LRRC4C: variants seen among roughly 807,000 people sequenced by gnomAD.
LRRC4C encodes the protein leucine rich repeat containing 4C, also known as leucine-rich repeat-containing protein 4C.
LRRC4C carries 5 observed loss-of-function variants against 33.6 expected under a neutral mutation model. The observed-to-expected ratio is 0.15, with a 90% CI of 0.08 to 0.31. The LOEUF (loss-of-function observed/expected upper bound fraction) is 0.31, where lower values mean the gene tolerates loss of function less well. Among genes scored for constraint, LRRC4C ranks in the 10% least tolerant of loss-of-function variants. The pLI, the probability that LRRC4C is intolerant of heterozygous loss-of-function variation, is 1.00. For synonymous variants in LRRC4C, 329 were observed against 302.0 expected (o/e 1.09, Z -0.93); for missense variants, 560 against 796.7 (o/e 0.70, Z 3.58).
intron 1 of LRRC4C, among the ~76,000 whole-genome samples, chr11:41,073,288 G>A (rs1260544861): frequency 6.6e-6 from 1 of 152,072 alleles, no homozygotes; most frequent in Non-Finnish European, 1.5e-5. Context: ...TGCGTGCAGA[G>A]ATCACATAAT....
At chr11:40,688,322 C>CAATTAAATTAGAAAAAAATTTGA (rs1945060151) in intron 2 of LRRC4C, among the ~76,000 whole-genome samples, 1 of 152,060 alleles carries the variant, frequency 6.6e-6, no homozygotes, top group Non-Finnish European at 1.5e-5. Context: ...GTTAGCTTTA[C>CAATTAAATTAGAAAAAAATTTGA]CTGTGAATTT....
At chr11:40,794,373 CAAA>C (rs57476895) in intron 2 of LRRC4C, among the ~76,000 whole-genome samples, 2,862 of 76,540 alleles carry the variant, frequency 0.037, 21 homozygotes, top group African/African-American at 0.072. Context: ...TAAACGCCAG[CAAA>C]AAAAAAAAAA....
rs187411158 is a variant in LRRC4C at position 40,375,981 on chromosome 11, A to C, written c.-269-56260T>G. Among the ~76,000 whole-genome samples, 1,118 of 152,268 alleles carry C rather than the reference A, an allele frequency of 7.3e-3. 7 individuals carry two copies. The highest frequency in any genetic ancestry group is 0.011 in the Non-Finnish European group (742 of 68,012). On this transcript the variant is annotated intron_variant, in intron 3 of 6. Transcript: ENST00000528697. ...ATGTCATTTGAACTTCAATCATATAATTTATTTGATGTTTTTAGAATGGTC... is the reference window on the plus strand; with the variant it reads ...ATGTCATTTGAACTTCAATCATATACTTTATTTGATGTTTTTAGAATGGTC...
intron 3 of LRRC4C, among the ~76,000 whole-genome samples, chr11:40,623,946 TA>T (rs1962697265): frequency 6.6e-6 from 1 of 152,108 alleles, no homozygotes; most frequent in African/African-American, 2.4e-5. Context: ...TTTCATGAAA[TA>T]AAAAATTCAT....
chr11:40,608,063 T>C (rs943484902), intron 3 of LRRC4C, among the ~76,000 whole-genome samples: 1 of 152,184 alleles, frequency 6.6e-6, no homozygotes, highest in African/African-American at 2.4e-5. Flanking sequence ...TATGAAACTA[T>C]ATAGCTTTCT....
chr11:41,154,313 T>C (rs571632617), intron 1 of LRRC4C, among the ~76,000 whole-genome samples: 26 of 152,282 alleles, frequency 1.7e-4, no homozygotes, highest in African/African-American at 6.3e-4. Context: ...TGTCTTTCTT[T>C]ACCTGGTCCT....
At chr11:40,727,372 A>G (rs184396024) in intron 2 of LRRC4C, among the ~76,000 whole-genome samples, 82 of 152,278 alleles carry the variant, frequency 5.4e-4, no homozygotes, top group African/African-American at 1.9e-3. Context: ...TATGCAGAAG[A>G]ATGAAAAAGA....
At chr11:41,355,891 G>T (rs1016137514) in intron 1 of LRRC4C, among the ~76,000 whole-genome samples, 1 of 151,920 alleles carries the variant, frequency 6.6e-6, no homozygotes, top group Non-Finnish European at 1.5e-5. Flanking sequence ...TAATTAATAT[G>T]TCAAACCAAA....
At chr11:41,242,282 A>C (rs551001336) in intron 1 of LRRC4C, among the ~76,000 whole-genome samples, 141 of 152,218 alleles carry the variant, frequency 9.3e-4, no homozygotes, top group Non-Finnish European at 1.8e-3. Context: ...CCACGTTTTC[A>C]AAGCACTTTT....
At chr11:40,846,488 A>G (rs533764970) in intron 2 of LRRC4C, among the ~76,000 whole-genome samples, 1 of 152,236 alleles carries the variant, frequency 6.6e-6, no homozygotes, top group African/African-American at 2.4e-5. Flanking sequence ...AGATGGTTGT[A>G]AATGTGTGGT....
At chr11:40,221,321 C>G (rs763207563) in intron 5 of LRRC4C, among the ~76,000 whole-genome samples, 17 of 152,132 alleles carry the variant, frequency 1.1e-4, no homozygotes, top group Non-Finnish European at 2.5e-4. Context: ...AAATTAGAAT[C>G]ATGCAGGGAA....
chr11:40,133,501 G>A (rs560793267), intron 6 of LRRC4C, among the ~76,000 whole-genome samples: 27 of 152,278 alleles, frequency 1.8e-4, no homozygotes, highest in Admixed American at 9.8e-4. Flanking sequence ...TTATAGTAGA[G>A]TGCGGGGAAA....
chr11:40,690,155 A>G (rs1945159502), intron 2 of LRRC4C, among the ~76,000 whole-genome samples: 1 of 152,068 alleles, frequency 6.6e-6, no homozygotes, highest in African/African-American at 2.4e-5. Flanking sequence ...AAATAATTAC[A>G]ATGATTACAA....
intron 2 of LRRC4C, among the ~76,000 whole-genome samples, chr11:40,652,247 T>C (rs1323192803): frequency 1.3e-5 from 2 of 152,304 alleles, no homozygotes; most frequent in African/African-American, 2.4e-5. Flanking sequence ...CTGCTTTTCA[T>C]AGATATCTAG....
intron 3 of LRRC4C, among the ~76,000 whole-genome samples, chr11:40,532,263 A>G (rs904732750): frequency 7.3e-5 from 11 of 151,642 alleles, no homozygotes; most frequent in Admixed American, 2.6e-4. Context: ...AAAATTCATA[A>G]CCTCTATACT....
At chr11:40,749,891 T>A (rs796811753) in intron 2 of LRRC4C, among the ~76,000 whole-genome samples, 2 of 151,882 alleles carry the variant, frequency 1.3e-5, no homozygotes, top group African/African-American at 4.8e-5. Context: ...CTATAAAAAA[T>A]TAATAAATTC....
At chr11:40,978,445 A>C (rs545425346) in intron 1 of LRRC4C, among the ~76,000 whole-genome samples, 1 of 152,296 alleles carries the variant, frequency 6.6e-6, no homozygotes, top group Admixed American at 6.5e-5. Context: ...TGATTGTCAT[A>C]AATGGTCAAG....
At chr11:40,313,596 ATTCTTTTT>A in intron 4 of LRRC4C, among the ~76,000 whole-genome samples, 1 of 129,462 alleles carries the variant, frequency 7.7e-6, no homozygotes, top group Admixed American at 9.7e-5. Context: ...AGGAGGGGAA[ATTCTTTTT>A]TTTTTTTTTT....
intron 1 of LRRC4C, among the ~76,000 whole-genome samples, chr11:40,948,187 A>C (rs983266180): frequency 6.6e-6 from 1 of 151,778 alleles, no homozygotes; most frequent in Admixed American, 6.6e-5. Context: ...CCCTCAATAT[A>C]CTCCATATTC....
Sources: gnomAD v4.1 joint callset for allele counts (sites outside exome capture counted in the v4.1 genomes callset) on GRCh38, gnomAD v4.1.1 for gene constraint, MANE v1.5 for transcripts, NCBI Gene and HGNC (gene_info 2026-07-23, HGNC 2026-07-21) for gene names.